The following PTPRD variants were observed in gnomAD, a reference collection of about 807,000 sequenced individuals.
The protein encoded by PTPRD is receptor-type tyrosine-protein phosphatase delta.
A neutral mutation model predicts 214.5 loss-of-function variants in PTPRD; 34 were observed. The observed-to-expected ratio is 0.16, with a 90% CI of 0.12 to 0.21. PTPRD has a LOEUF of 0.21. PTPRD is among the 10% of genes least tolerant of loss of function. The probability of loss-of-function intolerance (pLI) is 1.00; values close to 1 mark genes in which losing one functional copy is unlikely to be tolerated. For missense variants in PTPRD, 2,545 were observed against 2,398.7 expected, an observed-to-expected ratio of 1.06 and a Z score of -1.27; for synonymous variants, 1,128 against 845.7, an observed-to-expected ratio of 1.33 and a Z score of -5.79.
At chr9:8,846,686 G>T (rs867471044) in intron 11 of PTPRD, among the ~76,000 whole-genome samples, 3 of 152,278 alleles carry the variant, frequency 2.0e-5, no homozygotes, top group African/African-American at 7.2e-5. Flanking sequence ...GTACATCTGG[G>T]AAACAGCAAA....
chr9:10,039,435 T>C (rs2097255526), intron 3 of PTPRD, among the ~76,000 whole-genome samples: 1 of 152,052 alleles, frequency 6.6e-6, no homozygotes, highest in Admixed American at 6.6e-5. Flanking sequence ...GGTATATAAA[T>C]CTCTATTATC....
chr9:8,633,441 A>G lies in PTPRD; in HGVS notation c.228T>C (p.Asp76=). Residue 76 remains aspartate, a synonymous_variant, in exon 14 of 46, where the codon GAT becomes GAC. Transcript: ENST00000381196. ...NQRFEVIEFD[D]GSGSVLRIQP... ...GTATTCTGAGAACTGATCCAGACCC[A>G]TCGTCAAACTCTATTACCTATTAGA... 5 of 1,612,244 alleles carry G rather than the reference A, an allele frequency of 3.1e-6. No individual in the cohort carries two copies. The highest frequency in any genetic ancestry group is 2.2e-5 in the East Asian group (1 of 44,818).
intron 3 of PTPRD, among the ~76,000 whole-genome samples, chr9:10,223,498 T>C (rs1462200387): frequency 6.6e-6 from 1 of 151,730 alleles, no homozygotes; most frequent in Non-Finnish European, 1.5e-5. Context: ...ACCCTGTCTT[T>C]ACTAAAAATA....
chr9:9,197,998 A>G (rs1158396664), intron 9 of PTPRD, among the ~76,000 whole-genome samples: 1 of 152,204 alleles, frequency 6.6e-6, no homozygotes, highest in Non-Finnish European at 1.5e-5. Context: ...CTAGAAAAAT[A>G]ATAATTTCAA....
chr9:10,515,818 T>C (rs1156331550), intron 2 of PTPRD, among the ~76,000 whole-genome samples: 1 of 151,964 alleles, frequency 6.6e-6, no homozygotes, highest in East Asian at 1.9e-4. Flanking sequence ...TTTCATACCT[T>C]GGAATCATGC....
chr9:10,566,736 ACTTAAGAAATTTTCCCTTAC>A (rs2065754655), intron 2 of PTPRD, among the ~76,000 whole-genome samples: 1 of 151,814 alleles, frequency 6.6e-6, no homozygotes, highest in Non-Finnish European at 1.5e-5. Context: ...TTTTTTTGCG[ACTTAAGAAATTTTCCCTTAC>A]CTTGAGTCAT....
chr9:8,702,753 G>A (rs989516859), intron 12 of PTPRD, among the ~76,000 whole-genome samples: 5 of 151,668 alleles, frequency 3.3e-5, no homozygotes, highest in Admixed American at 1.3e-4. Context: ...GATTACAGGC[G>A]CCCGCCACTA....
chr9:8,993,675 A>T (rs1254760515), intron 11 of PTPRD, among the ~76,000 whole-genome samples: 1 of 152,134 alleles, frequency 6.6e-6, no homozygotes, highest in Non-Finnish European at 1.5e-5. Context: ...AGAATTTTTG[A>T]GTTCAGTTCT....
At chr9:9,853,838 G>C (rs1021715395) in intron 5 of PTPRD, among the ~76,000 whole-genome samples, 1 of 152,170 alleles carries the variant, frequency 6.6e-6, no homozygotes, top group Admixed American at 6.5e-5. Context: ...TTATAGGCGT[G>C]AGCCACCACG....
In PTPRD at chr9:8,712,510, T is replaced by C. The variant is rs117846167; in HGVS notation, c.64+21270A>G. ...TGAGCATGTAAAGGCTTCTTCAAAG[T>C]GTGAAAGTGGACAGATACTGCCTCC... On this transcript the variant is annotated intron_variant, in intron 12 of 45. Transcript: ENST00000381196. Among the ~76,000 whole-genome samples the C allele has an allele frequency of 3.8e-3, 580 of 151,858 alleles. 3 individuals carry two copies. The highest frequency in any genetic ancestry group is 6.9e-3 in the Non-Finnish European group (466 of 67,956).
intron 9 of PTPRD, among the ~76,000 whole-genome samples, chr9:9,281,918 C>T (rs139877077): frequency 6.6e-6 from 1 of 150,958 alleles, no homozygotes; most frequent in African/African-American, 2.4e-5. Context: ...TTATTCAGCA[C>T]TAAAATATTA....
chr9:9,794,805 C>T (rs1196246346), intron 5 of PTPRD, among the ~76,000 whole-genome samples: 1 of 152,184 alleles, frequency 6.6e-6, no homozygotes. Context: ...CTTATCTCTT[C>T]TGCTAAACTG....
At chr9:9,667,446 C>A (rs1199257539) in intron 7 of PTPRD, among the ~76,000 whole-genome samples, 1 of 152,038 alleles carries the variant, frequency 6.6e-6, no homozygotes. Flanking sequence ...CACTGGTTTG[C>A]CCGAAAGTCA....
At chr9:10,272,464 C>A (rs932815629) in intron 3 of PTPRD, among the ~76,000 whole-genome samples, 1 of 152,070 alleles carries the variant, frequency 6.6e-6, no homozygotes, top group Admixed American at 6.6e-5. Flanking sequence ...GGATATATAA[C>A]CAGGCATGGA....
At chr9:9,373,263 A>G (rs75941804) in intron 9 of PTPRD, among the ~76,000 whole-genome samples, 1,691 of 152,220 alleles carry the variant, frequency 0.011, 31 homozygotes, top group African/African-American at 0.039. Context: ...CCAGTGCCTC[A>G]GAATCCTGCT....
chr9:8,627,088 C>T (rs931050136), intron 14 of PTPRD, among the ~76,000 whole-genome samples: 1 of 151,728 alleles, frequency 6.6e-6, no homozygotes, highest in African/African-American at 2.4e-5. Flanking sequence ...ATGCCCCAAC[C>T]CAGCAGTCTC....
intron 34 of PTPRD, 109 bp downstream of exon 34, chr9:8,449,616 A>G (rs2095859423): frequency 4.0e-6 from 4 of 995,214 alleles, no homozygotes; most frequent in Non-Finnish European, 1.5e-6. Flanking sequence ...AAAGAGCAGG[A>G]TGAACAAAAT....
chr9:10,204,888 T>C (rs1594124613), intron 3 of PTPRD, among the ~76,000 whole-genome samples: 2 of 152,304 alleles, frequency 1.3e-5, no homozygotes, highest in East Asian at 3.9e-4. Context: ...CTAGGACTTG[T>C]CTCTAAAATT....
chr9:9,763,460 C>A (rs2098678860), intron 6 of PTPRD, among the ~76,000 whole-genome samples: 1 of 151,944 alleles, frequency 6.6e-6, no homozygotes, highest in African/African-American at 2.4e-5. Flanking sequence ...TTTTTAAGAA[C>A]AGTCTTCTTT....
Sources: allele counts gnomAD v4.1 joint callset (sites outside exome capture counted in the v4.1 genomes callset), GRCh38; gene constraint gnomAD v4.1.1; transcripts MANE v1.5; gene names NCBI Gene and HGNC (gene_info 2026-07-23, HGNC 2026-07-21).